IMPG1: variants seen among roughly 807,000 people sequenced by gnomAD.
IMPG1 encodes interphotoreceptor matrix proteoglycan of 150 kDa.
In IMPG1, 85 loss-of-function variants were observed where a neutral mutation model predicts 92.0. The ratio of observed to expected loss-of-function variants is 0.92; its 90% confidence interval spans 0.78 to 1.11. The LOEUF (loss-of-function observed/expected upper bound fraction) is 1.11. Ranked by LOEUF, IMPG1 falls within the 50% of genes least tolerant of loss-of-function variation. The probability of loss-of-function intolerance (pLI) is 0.00; values close to 1 mark genes in which losing one functional copy is unlikely to be tolerated. For synonymous variants in IMPG1, 367 were observed against 334.1 expected (o/e 1.10, Z -1.08); for missense variants, 1,022 against 956.0 (o/e 1.07, Z -0.91).
intron 1 of IMPG1, among the ~76,000 whole-genome samples, chr6:76,067,181 A>G (rs1049440441): frequency 1.3e-5 from 2 of 152,038 alleles, no homozygotes; most frequent in African/African-American, 4.8e-5. Flanking sequence ...AATAAATAAC[A>G]AACATCAAAG....
At chr6:75,927,819 T>C (rs998351742) in intron 15 of IMPG1, among the ~76,000 whole-genome samples, 2 of 148,012 alleles carry the variant, frequency 1.4e-5, no homozygotes, top group African/African-American at 2.5e-5. Flanking sequence ...AAAATGTTCA[T>C]TTCATTCCAT....
rs138803518 is a variant in IMPG1 at position 76,012,128 on chromosome 6, T to G, written c.808-904A>C. ...TAGATTCTAATCTAATAGATTAGAT[T>G]TACTCTTAGATTCATATGGACTTCA... On this transcript the variant is annotated intron_variant, in intron 7 of 16. Transcript: ENST00000369950. 1.3e-4 allele frequency among the ~76,000 whole-genome samples: 20 copies of G among 152,232 alleles called. No individual in the cohort carries two copies. The East Asian group carries it at 3.7e-3, about 28-fold the overall frequency.
chr6:76,008,737 A>G (rs1376025323), intron 8 of IMPG1, among the ~76,000 whole-genome samples: 1 of 152,188 alleles, frequency 6.6e-6, no homozygotes, highest in African/African-American at 2.4e-5. Flanking sequence ...ATTGTGATAA[A>G]CAAATGGGAC....
Position 75,930,953 on chromosome 6 carries a change from C to A in IMPG1, c.2243G>T (p.Arg748Met). ...TGTGACGTTAGCATGCTTGACCCACCTGCATGGAGCTCCCTTTCCCTGGAG... is the reference window on the plus strand; with the variant it reads ...TGTGACGTTAGCATGCTTGACCCACATGCATGGAGCTCCCTTTCCCTGGAG... ...EVLQGKGAPCRLPDHSENQAY... is the reference protein window; with the variant it reads ...EVLQGKGAPCMLPDHSENQAY... The change falls in exon 15 of 17, where the codon AGG becomes ATG. Residue 748 changes from arginine to methionine, a missense_variant and splice_region_variant. Transcript: ENST00000369950. The A allele has an allele frequency of 6.2e-7, 1 of 1,613,912 alleles. No homozygotes were observed. Among genetic ancestry groups the A allele is most frequent in the Non-Finnish European group, 8.5e-7 (1 of 1,179,758 alleles).
intron 1 of IMPG1, among the ~76,000 whole-genome samples, chr6:76,057,490 A>G (rs1427327731): frequency 6.6e-6 from 1 of 152,128 alleles, no homozygotes; most frequent in Non-Finnish European, 1.5e-5. Flanking sequence ...TGGGGCTTAA[A>G]TTGCATACCA....
At chr6:75,995,943 A>G (rs1299377453) in intron 12 of IMPG1, among the ~76,000 whole-genome samples, 1 of 152,240 alleles carries the variant, frequency 6.6e-6, no homozygotes, top group East Asian at 1.9e-4. Context: ...CTTGTTCACC[A>G]ACTTATCCCC....
At chr6:75,985,620 T>A (rs1251207051) in intron 12 of IMPG1, among the ~76,000 whole-genome samples, 1 of 152,242 alleles carries the variant, frequency 6.6e-6, no homozygotes, top group East Asian at 1.9e-4. Context: ...GTCATCCTCA[T>A]AAATACTCTG....
chr6:76,002,894 T>C (rs377510349), intron 12 of IMPG1, 24 bp downstream of exon 12: 45 of 1,570,600 alleles, frequency 2.9e-5, no homozygotes, highest in Middle Eastern at 1.7e-4. Context: ...TCATCTAACA[T>C]AGACTTTGTG....
chr6:76,005,148 T>A (rs1481870236), intron 10 of IMPG1, 139 bp downstream of exon 10: 2 of 812,660 alleles, frequency 2.5e-6, no homozygotes, highest in Non-Finnish European at 3.9e-6. Context: ...AAGCTAGAAA[T>A]GATACCATAT....
chr6:75,965,834 C>G (rs1782299799), intron 12 of IMPG1, among the ~76,000 whole-genome samples: 2 of 152,034 alleles, frequency 1.3e-5, no homozygotes, highest in African/African-American at 4.8e-5. Context: ...GTCTCGATCT[C>G]CTGACCTTGT....
In IMPG1 at chr6:76,035,017, C is replaced by CGT. The variant is rs986842155; in HGVS notation, c.302-232_302-231dup. On this transcript the variant is annotated intron_variant, in intron 2 of 16. Coordinates refer to ENST00000369950, the MANE Select transcript of IMPG1 (RefSeq NM_001563.4). ...TTATGTGCGTGTGTGTGTGTGTGTGCGTGTGTGTGTGTGTGCAAAACTGCA... is the reference window on the plus strand; with the variant it reads ...TTATGTGCGTGTGTGTGTGTGTGTGCGTGTGTGTGTGTGTGTGCAAAACTGCA... Among the ~76,000 whole-genome samples the CGT allele has an allele frequency of 2.6e-3, 383 of 146,068 alleles. 4 individuals carry two copies. In the Middle Eastern group the frequency reaches 0.057, roughly 22 times the overall value.
intron 14 of IMPG1, among the ~76,000 whole-genome samples, chr6:75,938,501 A>G (rs1210374735): frequency 6.6e-6 from 1 of 152,206 alleles, no homozygotes; most frequent in Admixed American, 6.5e-5. Context: ...ATACAATAAA[A>G]TTGGGGCACA....
intron 1 of IMPG1, among the ~76,000 whole-genome samples, chr6:76,067,957 C>T (rs566276952): frequency 6.6e-6 from 1 of 152,092 alleles, no homozygotes; most frequent in Admixed American, 6.6e-5. Context: ...TCTCTTTAGA[C>T]ACAGAAAAAG....
chr6:75,973,917 G>A (rs1782462333), intron 12 of IMPG1, among the ~76,000 whole-genome samples: 1 of 152,198 alleles, frequency 6.6e-6, no homozygotes, highest in Non-Finnish European at 1.5e-5. Flanking sequence ...GATCTGCCAT[G>A]TCTGCTTTAG....
intron 1 of IMPG1, among the ~76,000 whole-genome samples, chr6:76,061,849 C>G (rs1428770956): frequency 6.6e-6 from 1 of 152,076 alleles, no homozygotes; most frequent in Non-Finnish European, 1.5e-5. Context: ...AGAAAGGAGC[C>G]TTGGTGTCTT....
intron 8 of IMPG1, 53 bp downstream of exon 8, chr6:76,011,113 G>T: frequency 1.0e-6 from 1 of 978,796 alleles, no homozygotes; most frequent in Non-Finnish European, 1.6e-6. Context: ...TTTTACAAAA[G>T]GATAGGAAGA....
intron 12 of IMPG1, among the ~76,000 whole-genome samples, chr6:75,959,132 GC>G (rs1782174493): frequency 6.6e-6 from 1 of 152,080 alleles, no homozygotes; most frequent in Admixed American, 6.5e-5. Context: ...TAACAGTCAG[GC>G]CCCTCTGCTG....
intron 6 of IMPG1, among the ~76,000 whole-genome samples, chr6:76,020,246 T>C (rs1200969744): frequency 2.6e-5 from 4 of 152,046 alleles, no homozygotes; most frequent in East Asian, 3.9e-4. Context: ...GAAGATGGGG[T>C]CTCCCAGTCT....
intron 12 of IMPG1, among the ~76,000 whole-genome samples, chr6:75,962,122 TG>T (rs1279673682): frequency 1.5e-5 from 2 of 130,784 alleles, no homozygotes; most frequent in Non-Finnish European, 3.3e-5. Flanking sequence ...AAGATTTCTT[TG>T]CCATTTTGTT....
Sources: allele counts gnomAD v4.1 joint callset (sites outside exome capture counted in the v4.1 genomes callset), GRCh38; gene constraint gnomAD v4.1.1; transcripts MANE v1.5; gene names NCBI Gene and HGNC (gene_info 2026-07-23, HGNC 2026-07-21).